The following CREB1 variants were observed in gnomAD, a reference collection of about 807,000 sequenced individuals.
The protein encoded by CREB1 is cAMP responsive element binding protein 1, also known as cyclic AMP-responsive element-binding protein 1.
In CREB1, 2 loss-of-function variants were observed where a neutral mutation model predicts 42.0. That is an observed-to-expected ratio of 0.05 (90% CI 0.02 to 0.15). The LOEUF is 0.15. Among genes scored for constraint, CREB1 ranks in the 10% least tolerant of loss-of-function variants. The pLI, the probability that CREB1 is intolerant of heterozygous loss-of-function variation, is 1.00. For synonymous variants in CREB1, 123 were observed against 139.9 expected (o/e 0.88, Z 0.85); for missense variants, 199 against 388.9 (o/e 0.51, Z 4.11).
intron 1 of CREB1, among the ~76,000 whole-genome samples, chr2:207,554,076 A>C (rs573704994): frequency 5.6e-4 from 85 of 152,320 alleles, no homozygotes; most frequent in African/African-American, 2.0e-3. Context: ...CTGTTGAGCT[A>C]CATCTCTGGA....
At chr2:207,576,625 A>G in intron 6 of CREB1, 1 of 1,250,312 alleles carries the variant, frequency 8.0e-7, no homozygotes, top group South Asian at 1.3e-5. Flanking sequence ...TTCACTTTAC[A>G]TGCAGGTACT....
chr2:207,557,742 T>C (rs1376003918), intron 2 of CREB1, among the ~76,000 whole-genome samples: 1 of 152,186 alleles, frequency 6.6e-6, no homozygotes, highest in Admixed American at 6.5e-5. Context: ...TAAAAGTGAT[T>C]AGCTATGGGT....
rs182644988 is a variant in CREB1, at chr2:207,586,654, C to G, written c.839+8999C>G. ...ATGGGAGGAATATTTACAAACTGTT[C>G]ATCTGACAAGGGACTGATAACCAGG... is the stretch of plus-strand genomic sequence containing the variant. On this transcript the variant is annotated intron_variant, in intron 7 of 7. Coordinates refer to ENST00000353267, the MANE Select transcript of CREB1 (RefSeq NM_004379.5). Among the ~76,000 whole-genome samples the G allele has an allele frequency of 1.3e-3, 199 of 152,280 alleles. 3 individuals are homozygous for G. Among genetic ancestry groups the G allele is most frequent in the Non-Finnish European group, 1.2e-4 (8 of 68,014 alleles).
chr2:207,585,507 C>T (rs549806111), intron 7 of CREB1, among the ~76,000 whole-genome samples: 1 of 152,180 alleles, frequency 6.6e-6, no homozygotes, highest in South Asian at 2.1e-4. Flanking sequence ...GATAAGGACA[C>T]AAGAAACATA....
intron 7 of CREB1, chr2:207,581,584 C>T (rs1238848837): frequency 3.5e-6 from 1 of 286,680 alleles, no homozygotes; most frequent in African/African-American, 2.2e-5. Flanking sequence ...CAAACCAGTA[C>T]AAAGGTAAAT....
At chr2:207,576,679 G>A (rs1227357216) in intron 6 of CREB1, 48 of 1,285,468 alleles carry the variant, frequency 3.7e-5, no homozygotes, top group African/African-American at 4.6e-5. Flanking sequence ...AATTCTGAAC[G>A]TCAGTTTGAA....
chr2:207,573,133 ATTCTT>A (rs780165562), intron 5 of CREB1, among the ~76,000 whole-genome samples: 15 of 152,120 alleles, frequency 9.9e-5, no homozygotes, highest in Non-Finnish European at 1.9e-4. Flanking sequence ...GTTTAATTGT[ATTCTT>A]TTCTTAGTCT....
chr2:207,559,102 G>C (rs2081854235), intron 2 of CREB1: 1 of 153,754 alleles, frequency 6.5e-6, no homozygotes, highest in Non-Finnish European at 1.4e-5. Flanking sequence ...TGCCTCTGTT[G>C]TTTTCTCTCT....
intron 7 of CREB1, 154 bp downstream of exon 7, chr2:207,577,809 AATAAGCTGCACTT>A (rs2082654334): frequency 3.6e-6 from 3 of 841,966 alleles, no homozygotes; most frequent in African/African-American, 1.7e-5. Flanking sequence ...TTCTTTATTT[AATAAGCTGCACTT>A]ATAAGATAGC....
intron 7 of CREB1, among the ~76,000 whole-genome samples, chr2:207,589,687 A>G (rs2084588633): frequency 6.6e-6 from 1 of 152,210 alleles, no homozygotes; most frequent in African/African-American, 2.4e-5. Context: ...AATCTTGTCA[A>G]ATGCTTTTCC....
At chr2:207,592,911 C>T (rs202063302) in intron 7 of CREB1, among the ~76,000 whole-genome samples, 7 of 145,122 alleles carry the variant, frequency 4.8e-5, no homozygotes, top group Non-Finnish European at 1.0e-4. Context: ...GACTCCATCT[C>T]AAAAAAGAAA....
intron 7 of CREB1, among the ~76,000 whole-genome samples, chr2:207,578,709 G>A (rs771974765): frequency 3.3e-5 from 5 of 152,054 alleles, no homozygotes; most frequent in Admixed American, 6.6e-5. Flanking sequence ...CTGTCACAAT[G>A]TTAGTAAATT....
intron 6 of CREB1, among the ~76,000 whole-genome samples, chr2:207,576,241 CTT>C (rs35735523): frequency 1.5e-3 from 156 of 101,062 alleles, no homozygotes; most frequent in Non-Finnish European, 2.2e-3. Flanking sequence ...CTTTTTTTGG[CTT>C]TTTTTTTTTT....
At position 207,595,987 on chromosome 2, in the gene CREB1, G is replaced by A. The variant is rs186348916; in HGVS notation, c.840-927G>A. The stretch of plus-strand genomic sequence containing the variant: ...TGCAGAAGTTTTTTAGTTGGATATA[G>A]TCCTATTTGTCTATTTTTGCTTTTG... On this transcript the variant is annotated intron_variant, in intron 7 of 7. Coordinates refer to ENST00000353267, the MANE Select transcript of CREB1 (RefSeq NM_004379.5). 2.2e-4 allele frequency among the ~76,000 whole-genome samples: 34 copies of A among 152,220 alleles called. 1 individual carries two copies. The highest frequency in any genetic ancestry group is 7.2e-4 in the African/African-American group (30 of 41,520).
At chr2:207,584,027 G>A (rs2106634130) in intron 7 of CREB1, among the ~76,000 whole-genome samples, 1 of 152,254 alleles carries the variant, frequency 6.6e-6, no homozygotes, top group Middle Eastern at 3.4e-3. Flanking sequence ...ACTTATCCCA[G>A]ATAATTCCAT....
intron 5 of CREB1, among the ~76,000 whole-genome samples, chr2:207,571,037 C>T (rs1559044517): frequency 2.9e-4 from 3 of 10,354 alleles, no homozygotes; most frequent in Admixed American, 1.9e-3. Context: ...TTTTTTTTGC[C>T]TCTCAAAGTG....
intron 2 of CREB1, among the ~76,000 whole-genome samples, chr2:207,556,498 G>A (rs189384462): frequency 2.0e-5 from 3 of 152,330 alleles, no homozygotes; most frequent in South Asian, 2.1e-4. Context: ...TGTAGCTTCA[G>A]TTTCTCCAAG....
chr2:207,549,692 A>G (rs1025292578), intron 1 of CREB1, among the ~76,000 whole-genome samples: 2 of 152,104 alleles, frequency 1.3e-5, no homozygotes, highest in African/African-American at 4.8e-5. Context: ...GGCTAACACG[A>G]TGAAACACAA....
At chr2:207,547,376 T>G (rs1412400606) in intron 1 of CREB1, among the ~76,000 whole-genome samples, 1 of 152,240 alleles carries the variant, frequency 6.6e-6, no homozygotes, top group Non-Finnish European at 1.5e-5. Flanking sequence ...TACTTACAGT[T>G]TCAGCATTGA....
Sources: allele counts gnomAD v4.1 joint callset (sites outside exome capture counted in the v4.1 genomes callset), GRCh38; gene constraint gnomAD v4.1.1; transcripts MANE v1.5; gene names NCBI Gene and HGNC (gene_info 2026-07-23, HGNC 2026-07-21).